LRRC40: variants seen among roughly 807,000 people sequenced by gnomAD.
The protein encoded by LRRC40 is leucine-rich repeat-containing protein 40.
In LRRC40, 76 loss-of-function variants were observed where a neutral mutation model predicts 72.8. The ratio of observed to expected loss-of-function variants is 1.04; its 90% CI spans 0.87 to 1.26. LRRC40 has a LOEUF of 1.26. LRRC40 is among the 50% of genes most tolerant of loss of function. The pLI is 0.00. For synonymous variants in LRRC40, 243 were observed against 254.2 expected, an observed-to-expected ratio of 0.96 and a Z score of 0.42; for missense variants, 684 against 698.9, an observed-to-expected ratio of 0.98 and a Z score of 0.24.
chr1:70,180,256 G>C (rs1668213551), intron 5 of LRRC40: 1 of 152,206 alleles, frequency 6.6e-6, no homozygotes, highest in South Asian at 2.1e-4. Context: ...GACCTGGGTT[G>C]GTTCACCCCT....
chr1:70,173,810 A>G (rs569125501), intron 7 of LRRC40, 101 bp from the exon 8 acceptor site: 19 of 570,268 alleles, frequency 3.3e-5, no homozygotes, highest in Non-Finnish European at 5.5e-5. Context: ...ATATCACAGA[A>G]TAGTCTCAAA....
At chr1:70,180,344 T>G (rs1256263173) in intron 5 of LRRC40, 1 of 152,146 alleles carries the variant, frequency 6.6e-6, no homozygotes, top group Non-Finnish European at 1.5e-5. Flanking sequence ...CCGATTGGCA[T>G]AGCGCACTAC....
chr1:70,172,171 G>A (rs1162851717), intron 9 of LRRC40, among the ~76,000 whole-genome samples: 1 of 152,162 alleles, frequency 6.6e-6, no homozygotes, highest in East Asian at 1.9e-4. Context: ...AAAGCATGGA[G>A]AAGGTGCCAT....
Position 70,148,482 on chromosome 1 carries a change from GTTACC to G in LRRC40, c.1703_1703+4del. On this transcript the variant is annotated splice_donor_variant and splice_donor_region_variant and coding_sequence_variant and intron_variant, in exon 14 of 15. Transcript: ENST00000370952. LOFTEE classifies it high-confidence loss of function. ...TGAAACAATGCAGTAGAATGGTGTA[GTTACC>G]TTAAGTTTACACAATTACCGAGCTC... The G allele has an allele frequency of 6.2e-7, 1 of 1,600,592 alleles. No individual in the cohort carries two copies. Among genetic ancestry groups the G allele is most frequent in the South Asian group, 1.1e-5 (1 of 90,020 alleles).
In LRRC40 at chr1:70,184,814, A is replaced by T. The variant is rs1668325251; in HGVS notation, c.508T>A (p.Phe170Ile). The T allele has an allele frequency of 6.2e-7, 1 of 1,607,570 alleles. No individual in the cohort carries two copies. The highest frequency in any genetic ancestry group is 1.3e-5 in the African/African-American group (1 of 74,476). The change falls in exon 4 of 15, where the codon TTT becomes ATT. Residue 170 changes from phenylalanine to isoleucine, a missense_variant. Transcript: ENST00000370952. Reference sequence around the variant, plus strand: ...TCTTCTAAATTGGAAAGTTGTTCAAATCCCTCTGATATGCAGGTTAATTCA... The same window carrying T: ...TCTTCTAAATTGGAAAGTTGTTCAATTCCCTCTGATATGCAGGTTAATTCA... Reference protein sequence around the residue: ...HNELTCISEGFEQLSNLEDLD... With the variant: ...HNELTCISEGIEQLSNLEDLD...
chr1:70,182,841 GA>G (rs1298513170), intron 4 of LRRC40, among the ~76,000 whole-genome samples: 1 of 152,064 alleles, frequency 6.6e-6, no homozygotes, highest in Non-Finnish European at 1.5e-5. Context: ...ATTTGATACT[GA>G]GTCTGTAGAA....
intron 10 of LRRC40, among the ~76,000 whole-genome samples, chr1:70,158,836 C>T (rs1297657143): frequency 6.6e-6 from 1 of 152,030 alleles, no homozygotes; most frequent in Non-Finnish European, 1.5e-5. Context: ...ATGCTGATTA[C>T]TGAGTCAAAG....
In LRRC40 at chr1:70,187,295, T is replaced by C. The variant is rs1307703849; in HGVS notation, c.377A>G (p.Glu126Gly). The C allele has an allele frequency of 1.3e-6, 2 of 1,588,736 alleles. No individual in the cohort carries two copies. The highest frequency in any genetic ancestry group is 1.7e-6 in the Non-Finnish European group (2 of 1,159,862). ...ATTAAGTTTCTGAAGATTTTCTAGC[T>C]CTCTTATAGCAGAAGGAAGGGATGT... ...QLTSLPSAIR[E>G]LENLQKLNVS... is the part of the protein sequence containing the mutation. Residue 126 changes from glutamate (E) to glycine (G), a missense_variant, in exon 3 of 15, where the codon GAG becomes GGG. By Grantham distance (98) the Glu-to-Gly change is moderately conservative (BLOSUM62 -2). Transcript: ENST00000370952.
chr1:70,158,751 C>A (rs1392074751), intron 10 of LRRC40, among the ~76,000 whole-genome samples: 1 of 152,090 alleles, frequency 6.6e-6, no homozygotes, highest in African/African-American at 2.4e-5. Flanking sequence ...GCCTGCTGGT[C>A]AAGGTTTTCA....
intron 1 of LRRC40, among the ~76,000 whole-genome samples, chr1:70,196,899 A>G (rs1286279048): frequency 2.6e-5 from 4 of 152,216 alleles, no homozygotes; most frequent in Admixed American, 2.6e-4. Flanking sequence ...ATGATACTTC[A>G]ATAAAGTTAA....
At chr1:70,182,392 T>C (rs561345410) in intron 4 of LRRC40, among the ~76,000 whole-genome samples, 1 of 152,142 alleles carries the variant, frequency 6.6e-6, no homozygotes, top group Admixed American at 6.5e-5. Flanking sequence ...AATGTGAACA[T>C]CTGAGTGTTC....
chr1:70,197,437 C>T (rs925856725), intron 1 of LRRC40, among the ~76,000 whole-genome samples: 1 of 151,984 alleles, frequency 6.6e-6, no homozygotes, highest in Non-Finnish European at 1.5e-5. Context: ...CAGGCATGTG[C>T]CACCACATCC....
intron 14 of LRRC40, among the ~76,000 whole-genome samples, chr1:70,146,372 T>C (rs750250676): frequency 6.6e-6 from 1 of 152,178 alleles, no homozygotes; most frequent in Non-Finnish European, 1.5e-5. Context: ...GAATTATAAC[T>C]AATTAATAAC....
intron 14 of LRRC40, among the ~76,000 whole-genome samples, chr1:70,147,471 CAG>C (rs1411670803): frequency 6.6e-6 from 1 of 152,144 alleles, no homozygotes; most frequent in Non-Finnish European, 1.5e-5. Flanking sequence ...AATGACACAA[CAG>C]TAATATTAAA....
intron 3 of LRRC40, among the ~76,000 whole-genome samples, chr1:70,186,254 C>T (rs1281128250): frequency 6.6e-6 from 1 of 152,164 alleles, no homozygotes; most frequent in Non-Finnish European, 1.5e-5. Context: ...CACCTACATA[C>T]TCTTAAGTAT....
At position 70,205,569 on chromosome 1, in the gene LRRC40, GC is replaced by G; in HGVS notation, c.-30del. On this transcript the variant is annotated 5_prime_UTR_variant, in exon 1 of 15. Coordinates refer to ENST00000370952, the MANE Select transcript of LRRC40 (RefSeq NM_017768.5). ...CAAAGTCCTAGGTCCAGAAGCTGCA[GC>G]CCCACCCGTGACGCTTAAAGGTGGC... 1.9e-6 allele frequency: 3 copies of G among 1,563,544 alleles called. No homozygotes were observed. Among genetic ancestry groups the G allele is most frequent in the Non-Finnish European group, 2.6e-6 (3 of 1,143,028 alleles).
chr1:70,202,954 A>G (rs949185797), intron 1 of LRRC40, among the ~76,000 whole-genome samples: 3 of 152,204 alleles, frequency 2.0e-5, no homozygotes, highest in Admixed American at 2.0e-4. Context: ...GCAATGGCAC[A>G]ATCACAGCAC....
chr1:70,178,278 C>T (rs1489201339), intron 6 of LRRC40, among the ~76,000 whole-genome samples: 1 of 152,128 alleles, frequency 6.6e-6, no homozygotes, highest in East Asian at 1.9e-4. Context: ...TTAATAGAAA[C>T]TATAATTATC....
intron 1 of LRRC40, among the ~76,000 whole-genome samples, chr1:70,198,930 C>T (rs763003425): frequency 3.3e-5 from 5 of 151,982 alleles, no homozygotes; most frequent in Admixed American, 6.6e-5. Context: ...TTGGACAGGT[C>T]GCTTGAGCTC....
Sources: gnomAD v4.1 joint callset for allele counts (sites outside exome capture counted in the v4.1 genomes callset) on GRCh38, gnomAD v4.1.1 for gene constraint, MANE v1.5 for transcripts, NCBI Gene and HGNC (gene_info 2026-07-23, HGNC 2026-07-21) for gene names.